The following C7orf78 variants were observed in gnomAD, a reference collection of about 807,000 sequenced individuals.
The protein encoded by C7orf78 is chromosome 7 open reading frame 78, also known as putative uncharacterized protein C7orf78.
At chr7:12,504,023 A>G in the C7orf78 span, among the ~76,000 whole-genome samples, 13 of 152,332 alleles carry the variant, frequency 8.5e-5, no homozygotes, top group African/African-American at 2.9e-4. Flanking sequence ...TGTAATCTTT[A>G]TTTGTTTTAA....
the C7orf78 span, among the ~76,000 whole-genome samples, chr7:12,495,041 T>A: frequency 2.0e-5 from 3 of 152,098 alleles, no homozygotes; most frequent in Non-Finnish European, 4.4e-5. Context: ...ATTGATAAAA[T>A]TGCTCTCAGG....
chr7:12,522,985 A>C, the C7orf78 span: 1 of 398,216 alleles, frequency 2.5e-6, no homozygotes, highest in South Asian at 1.3e-4. Flanking sequence ...CTCCATGTGA[A>C]AATGCCCCCC....
the C7orf78 span, among the ~76,000 whole-genome samples, chr7:12,493,124 C>T: frequency 6.6e-6 from 1 of 152,092 alleles, no homozygotes; most frequent in South Asian, 2.1e-4. Flanking sequence ...ATTGCTTGAT[C>T]CCAGGAGGTT....
the C7orf78 span, chr7:12,538,420 AGAG>A: frequency 6.6e-6 from 1 of 152,190 alleles, no homozygotes; most frequent in Non-Finnish European, 1.5e-5. Context: ...GTTGGTGTCC[AGAG>A]GAGAAATGGA....
At chr7:12,503,411 G>A in the C7orf78 span, among the ~76,000 whole-genome samples, 1 of 151,888 alleles carries the variant, frequency 6.6e-6, no homozygotes, top group Non-Finnish European at 1.5e-5. Context: ...TCTTTTGGGG[G>A]TAACATTCTG....
At chr7:12,511,754 T>C in the C7orf78 span, among the ~76,000 whole-genome samples, 1,197 of 151,936 alleles carry the variant, frequency 7.9e-3, 22 homozygotes, top group African/African-American at 0.028. Flanking sequence ...GTTTTTGTTT[T>C]TTGTTTTTTG....
At chr7:12,502,673 G>A in the C7orf78 span, among the ~76,000 whole-genome samples, 2 of 152,018 alleles carry the variant, frequency 1.3e-5, no homozygotes, top group South Asian at 2.1e-4. Context: ...AAGTTGGTGT[G>A]GTGATTCCTC....
the C7orf78 span, among the ~76,000 whole-genome samples, chr7:12,488,860 T>G: frequency 1.3e-5 from 2 of 151,886 alleles, no homozygotes; most frequent in South Asian, 4.1e-4. Context: ...AAAGTATTAT[T>G]TTCAGAGAAA....
chr7:12,508,227 T>C, the C7orf78 span, among the ~76,000 whole-genome samples: 9 of 152,186 alleles, frequency 5.9e-5, no homozygotes, highest in Non-Finnish European at 1.0e-4. Flanking sequence ...GCTGAGTATA[T>C]ATAGGAATGA....
chr7:12,540,702 A>G, the C7orf78 span, among the ~76,000 whole-genome samples: 2 of 152,194 alleles, frequency 1.3e-5, no homozygotes, highest in African/African-American at 4.8e-5. Flanking sequence ...CTACTTCCAC[A>G]TCATAGTTGT....
the C7orf78 span, chr7:12,538,247 C>T: frequency 1.3e-5 from 2 of 152,078 alleles, no homozygotes; most frequent in African/African-American, 2.4e-5. Context: ...TCTAAATTAA[C>T]ATTCTAATCT....
chr7:12,513,643 T>C, the C7orf78 span, among the ~76,000 whole-genome samples: 11 of 152,324 alleles, frequency 7.2e-5, no homozygotes, highest in African/African-American at 2.2e-4. Flanking sequence ...AAATTTGTTA[T>C]GACATCTTTT....
chr7:12,516,045 A>G, the C7orf78 span, among the ~76,000 whole-genome samples: 4 of 152,212 alleles, frequency 2.6e-5, no homozygotes, highest in African/African-American at 9.6e-5. Flanking sequence ...GCCAAATGTT[A>G]ATTCCCAAGA....
At chr7:12,538,222 G>A in the C7orf78 span, 1 of 152,096 alleles carries the variant, frequency 6.6e-6, no homozygotes, top group Non-Finnish European at 1.5e-5. Context: ...AAGAAAGAAA[G>A]AAAGCCTCAT....
the C7orf78 span, among the ~76,000 whole-genome samples, chr7:12,526,464 C>T: frequency 6.6e-6 from 1 of 152,092 alleles, no homozygotes; most frequent in African/African-American, 2.4e-5. Flanking sequence ...GGGACAATAT[C>T]TGAATGCTAT....
chr7:12,515,537 G>A, the C7orf78 span, among the ~76,000 whole-genome samples: 2 of 152,150 alleles, frequency 1.3e-5, no homozygotes, highest in African/African-American at 4.8e-5. Context: ...TGAAAATGTG[G>A]AAACAATTTT....
At chr7:12,510,212 G>T in the C7orf78 span, among the ~76,000 whole-genome samples, 1 of 151,694 alleles carries the variant, frequency 6.6e-6, no homozygotes, top group Non-Finnish European at 1.5e-5. Flanking sequence ...ATCCTACTCT[G>T]TCACCCAGGC....
chr7:12,525,815 T>C, the C7orf78 span: 4 of 396,790 alleles, frequency 1.0e-5, no homozygotes, highest in Non-Finnish European at 1.8e-5. Flanking sequence ...CCTTTACATA[T>C]CTAGTACCAA....
chr7:12,519,362 G>A, the C7orf78 span, among the ~76,000 whole-genome samples: 3 of 152,164 alleles, frequency 2.0e-5, no homozygotes, highest in African/African-American at 7.2e-5. Context: ...AGCAAGAGCA[G>A]CTGCAGCTGC....
Sources: gnomAD v4.1 joint callset for allele counts (sites outside exome capture counted in the v4.1 genomes callset) on GRCh38, gnomAD v4.1.1 for gene constraint, MANE v1.5 for transcripts, NCBI Gene and HGNC (gene_info 2026-07-23, HGNC 2026-07-21) for gene names.